The following SGSM1 variants were observed in gnomAD, a reference collection of about 807,000 sequenced individuals.
SGSM1 encodes RUN and TBC1 domain containing 2.
In SGSM1, 73 loss-of-function variants were observed where a neutral mutation model predicts 133.8. The ratio of observed to expected loss-of-function variants is 0.55; its 90% confidence interval spans 0.45 to 0.66. SGSM1 has a LOEUF of 0.66. SGSM1 is among the 30% of genes least tolerant of loss of function. The pLI, the probability that SGSM1 is intolerant of heterozygous loss-of-function variation, is 0.00. For synonymous variants in SGSM1, 563 were observed against 573.0 expected, an observed-to-expected ratio of 0.98 and a Z score of 0.25; for missense variants, 1,213 against 1,448.1, an observed-to-expected ratio of 0.84 and a Z score of 2.64.
At chr22:24,886,551 C>T in intron 15 of SGSM1, 49 bp from the exon 16 acceptor site, 2 of 1,540,384 alleles carry the variant, frequency 1.3e-6, no homozygotes, top group South Asian at 1.2e-5. Flanking sequence ...TAAAACCACC[C>T]CCTGGTTTTC....
intron 23 of SGSM1, among the ~76,000 whole-genome samples, chr22:24,918,347 T>C (rs139149199): frequency 0.059 from 8,917 of 151,720 alleles, 668 homozygotes; most frequent in African/African-American, 0.18. Context: ...ATACAAAAAA[T>C]TGGCCGGGCA....
intron 2 of SGSM1, among the ~76,000 whole-genome samples, chr22:24,819,942 G>A (rs567453276): frequency 2.4e-4 from 36 of 152,214 alleles, no homozygotes; most frequent in African/African-American, 7.9e-4. Context: ...TGTCTTCCAG[G>A]GATCTTGGGT....
intron 12 of SGSM1, among the ~76,000 whole-genome samples, chr22:24,872,054 T>C (rs886965236): frequency 1.6e-4 from 25 of 152,220 alleles, no homozygotes; most frequent in African/African-American, 5.5e-4. Flanking sequence ...TATGGCTGTT[T>C]TCATGCCACA....
At position 24,884,090 on chromosome 22, in the gene SGSM1, C is replaced by A. The variant is rs370568675; in HGVS notation, c.1533C>A (p.Thr511=). ...AYCRHLSTVR[T]HLSALVNHMI... ...GCAGACACCTGTCCACCGTGAGAAC[C>A]CACCTATCAGCCCTGGTCAATCACA... The change falls in exon 15 of 25, where the codon ACC becomes ACA. Residue 511 remains threonine, a synonymous_variant. Transcript: ENST00000400358. The A allele has an allele frequency of 1.5e-5, 24 of 1,613,382 alleles. No homozygotes were observed. In the African/African-American group the frequency reaches 3.1e-4, roughly 21 times the overall value.
At position 24,820,173 on chromosome 22, in the gene SGSM1, A is replaced by T. The variant is rs1022903266; in HGVS notation, c.63+13689A>T. ...TTCACAGCTCCATCCTCTCCTGTGC[A>T]TGGGCGTGGCAGCCTGAAGGACCTT... is the stretch of plus-strand genomic sequence containing the variant. On this transcript the variant is annotated intron_variant, in intron 2 of 24. Coordinates refer to ENST00000400358, the MANE Select transcript of SGSM1 (RefSeq NM_001098497.3). 2.6e-5 allele frequency among the ~76,000 whole-genome samples: 4 copies of T among 152,274 alleles called. No homozygotes were observed. In the East Asian group the frequency reaches 7.7e-4, roughly 29 times the overall value.
At chr22:24,908,700 G>A (rs1466517074) in intron 21 of SGSM1, among the ~76,000 whole-genome samples, 2 of 151,952 alleles carry the variant, frequency 1.3e-5, no homozygotes, top group African/African-American at 2.4e-5. Flanking sequence ...TACTCGGGAG[G>A]CTGAGGCAGG....
At chr22:24,847,222 C>A (rs1271318885) in intron 3 of SGSM1, among the ~76,000 whole-genome samples, 2 of 152,028 alleles carry the variant, frequency 1.3e-5, no homozygotes, top group African/African-American at 2.4e-5. Flanking sequence ...CTCAAAAAAA[C>A]AAAACAAAAC....
intron 12 of SGSM1, among the ~76,000 whole-genome samples, chr22:24,873,337 T>C (rs62231155): frequency 0.1 from 15,798 of 152,066 alleles, 961 homozygotes; most frequent in South Asian, 0.25. Context: ...CATTTAGGGC[T>C]GAATAATTCC....
chr22:24,821,826 C>G (rs1433050623), intron 2 of SGSM1, among the ~76,000 whole-genome samples: 1 of 152,116 alleles, frequency 6.6e-6, no homozygotes, highest in Non-Finnish European at 1.5e-5. Flanking sequence ...AGAGATTTCC[C>G]TCATATCCTC....
intron 9 of SGSM1, among the ~76,000 whole-genome samples, chr22:24,863,996 C>T (rs955679297): frequency 6.6e-6 from 1 of 152,128 alleles, no homozygotes; most frequent in Non-Finnish European, 1.5e-5. Context: ...CCACCTCAGC[C>T]TCTCAAAGTG....
chr22:24,861,519 T>C (rs1272065828), intron 9 of SGSM1, among the ~76,000 whole-genome samples: 1 of 151,788 alleles, frequency 6.6e-6, no homozygotes, highest in Non-Finnish European at 1.5e-5. Flanking sequence ...TTAAACATTT[T>C]AATTTTATTT....
chr22:24,873,104 A>G (rs1931847427), intron 12 of SGSM1, among the ~76,000 whole-genome samples: 1 of 151,894 alleles, frequency 6.6e-6, no homozygotes, highest in Admixed American at 6.6e-5. Flanking sequence ...AATCACAGGC[A>G]CAAGCCACCA....
Position 24,844,953 on chromosome 22 carries a change from C to A in SGSM1, c.120C>A (p.Ser40Arg). 2.5e-6 allele frequency: 4 copies of A among 1,613,790 alleles called. No individual in the cohort carries two copies. Among genetic ancestry groups the A allele is most frequent in the Non-Finnish European group, 3.4e-6 (4 of 1,179,862 alleles). ...GCAAGTTTGTCCACGAAGACAGCAG[C>A]CACATCATCTCCTTCTGTGGTGAGT... ...VTRKFVHEDS[S>R]HIISFCAAVE... The change falls in exon 3 of 25, where the codon AGC (serine) becomes AGA (arginine). Residue 40 changes from serine (S) to arginine (R), a missense_variant. Coordinates refer to ENST00000400358, the MANE Select transcript of SGSM1 (RefSeq NM_001098497.3).
chr22:24,858,828 G>A (rs916359013), intron 8 of SGSM1, among the ~76,000 whole-genome samples: 25 of 152,230 alleles, frequency 1.6e-4, no homozygotes, highest in Admixed American at 1.6e-3. Context: ...ATGTAAAATA[G>A]CACCTACATT....
chr22:24,906,662 G>A (rs370923314), intron 21 of SGSM1, among the ~76,000 whole-genome samples: 2 of 152,244 alleles, frequency 1.3e-5, no homozygotes, highest in East Asian at 1.9e-4. Flanking sequence ...GCTGGGTGCA[G>A]TGACTCATGC....
At chr22:24,890,193 T>C (rs1250649609) in intron 16 of SGSM1, among the ~76,000 whole-genome samples, 1 of 152,094 alleles carries the variant, frequency 6.6e-6, no homozygotes, top group East Asian at 1.9e-4. Context: ...CCTGACCTTG[T>C]GATCCGCCCG....
chr22:24,899,033 A>C (rs796080992), intron 19 of SGSM1, among the ~76,000 whole-genome samples: 1 of 142,784 alleles, frequency 7.0e-6, no homozygotes, highest in African/African-American at 2.8e-5. Context: ...AAAAAAAAAA[A>C]AAAAAAAAAA....
At chr22:24,917,861 G>A (rs887832657) in intron 23 of SGSM1, 107 bp downstream of exon 23, 8 of 801,812 alleles carry the variant, frequency 1.0e-5, no homozygotes, top group Non-Finnish European at 1.6e-5. Flanking sequence ...AGAGGCAGCA[G>A]AGGAGAGAAG....
chr22:24,842,917 A>G (rs1929889906), intron 2 of SGSM1, among the ~76,000 whole-genome samples: 1 of 152,280 alleles, frequency 6.6e-6, no homozygotes, highest in South Asian at 2.1e-4. Context: ...TGCTATTTCT[A>G]TAAACTTTTT....
Sources: gnomAD v4.1 joint callset for allele counts (sites outside exome capture counted in the v4.1 genomes callset) on GRCh38, gnomAD v4.1.1 for gene constraint, MANE v1.5 for transcripts, NCBI Gene and HGNC (gene_info 2026-07-23, HGNC 2026-07-21) for gene names.